Variants in DGKB observed in about 807,000 individuals in gnomAD.
The protein encoded by DGKB is 90 kDa diacylglycerol kinase.
A neutral mutation model predicts 114.3 loss-of-function variants in DGKB; 67 were observed. That is an observed-to-expected ratio of 0.59 (90% confidence interval 0.48 to 0.72). DGKB has a LOEUF of 0.72. Among genes scored for constraint, DGKB ranks in the 30% least tolerant of loss-of-function variants. The probability of loss-of-function intolerance (pLI) is 0.00; values close to 1 mark genes in which losing one functional copy is unlikely to be tolerated. For synonymous variants in DGKB, 398 were observed against 323.1 expected (o/e 1.23, Z -2.49); for missense variants, 907 against 975.2 (o/e 0.93, Z 0.93).
chr7:14,164,023 AC>A (rs199772652), intron 25 of DGKB, among the ~76,000 whole-genome samples: 3 of 151,514 alleles, frequency 2.0e-5, no homozygotes, highest in Non-Finnish European at 2.9e-5. Context: ...AAAAAAAAAA[AC>A]AAAATAAAAA....
At chr7:14,758,898 T>G (rs1402615742) in intron 2 of DGKB, among the ~76,000 whole-genome samples, 2 of 134,398 alleles carry the variant, frequency 1.5e-5, no homozygotes, top group African/African-American at 3.9e-5. Flanking sequence ...GATAGATAGA[T>G]AGATAGATAG....
chr7:14,251,305 G>T (rs889425772), intron 23 of DGKB, among the ~76,000 whole-genome samples: 1 of 151,368 alleles, frequency 6.6e-6, no homozygotes, highest in Non-Finnish European at 1.5e-5. Flanking sequence ...TTTCTTTTTG[G>T]TTATCTGGGG....
At chr7:14,278,273 T>C (rs1799328640) in intron 23 of DGKB, among the ~76,000 whole-genome samples, 1 of 152,152 alleles carries the variant, frequency 6.6e-6, no homozygotes, top group Admixed American at 6.5e-5. Flanking sequence ...AAAAATAGCA[T>C]AGCACTGGCA....
chr7:14,429,843 C>T (rs1255241562), intron 21 of DGKB, among the ~76,000 whole-genome samples: 1 of 152,052 alleles, frequency 6.6e-6, no homozygotes, highest in African/African-American at 2.4e-5. Context: ...ATTGCTTGAA[C>T]CAGGACCCGG....
rs145376707 is a variant in DGKB at position 14,799,267 on chromosome 7, G to C, written c.71-41536C>G. On this transcript the variant is annotated intron_variant, in intron 2 of 25. Transcript: ENST00000402815. ...ACCAGAAGCTGTTTGCATTTAGCTG[G>C]CTAGGCCAGAAATACATTCTCACTG... Among the ~76,000 whole-genome samples the C allele has an allele frequency of 3.3e-5, 5 of 152,224 alleles. No homozygotes were observed. In the East Asian group the frequency reaches 9.7e-4, roughly 29 times the overall value.
intron 13 of DGKB, among the ~76,000 whole-genome samples, chr7:14,635,828 A>G (rs371889119): frequency 5.3e-5 from 8 of 151,562 alleles, no homozygotes; most frequent in Non-Finnish European, 8.9e-5. Flanking sequence ...TTAATCTATA[A>G]TATTTCCTGT....
chr7:14,218,515 T>C (rs1028481028), intron 23 of DGKB, among the ~76,000 whole-genome samples: 1 of 152,098 alleles, frequency 6.6e-6, no homozygotes, highest in Admixed American at 6.6e-5. Flanking sequence ...CAACAAAAGC[T>C]CTTTTTGTGC....
At chr7:14,796,854 G>C (rs76226639) in intron 2 of DGKB, among the ~76,000 whole-genome samples, 1 of 151,956 alleles carries the variant, frequency 6.6e-6, no homozygotes, top group Admixed American at 6.6e-5. Context: ...CAAGAATTTT[G>C]ATAGGAAATC....
chr7:14,820,376 G>A (rs1040766130), intron 2 of DGKB, among the ~76,000 whole-genome samples: 109 of 152,094 alleles, frequency 7.2e-4, no homozygotes, highest in African/African-American at 2.6e-3. Context: ...GTGCCATAGT[G>A]TATTGTTTAA....
intron 23 of DGKB, among the ~76,000 whole-genome samples, chr7:14,260,651 T>G (rs1043947648): frequency 6.6e-6 from 1 of 152,190 alleles, no homozygotes; most frequent in African/African-American, 2.4e-5. Flanking sequence ...TCGGTATAAT[T>G]AGGGGTGAGA....
intron 13 of DGKB, among the ~76,000 whole-genome samples, chr7:14,660,977 G>A (rs1439440509): frequency 2.7e-5 from 4 of 148,924 alleles, no homozygotes; most frequent in Non-Finnish European, 4.5e-5. Flanking sequence ...TTAATAAATG[G>A]TGCTGGGAAA....
intron 1 of DGKB, among the ~76,000 whole-genome samples, chr7:14,929,430 C>G (rs1050423149): frequency 4.6e-5 from 7 of 151,710 alleles, no homozygotes; most frequent in Middle Eastern, 3.4e-3. Flanking sequence ...CCATTCTGAT[C>G]GGAGTAAGGT....
chr7:14,156,660 G>A (rs919282137), intron 25 of DGKB, among the ~76,000 whole-genome samples: 5 of 152,126 alleles, frequency 3.3e-5, no homozygotes, highest in African/African-American at 9.7e-5. Context: ...GCTGACCCTT[G>A]ATATAATTAA....
rs1586613390 is a variant in DGKB at position 14,802,461 on chromosome 7, T to A, written c.70+38733A>T. On this transcript the variant is annotated intron_variant, in intron 2 of 25. Transcript: ENST00000402815. ...ATGTTTTCTGGCTTCTCTCAGACTA[T>A]TTTTTGAAGATTTTGCAAGTATTAT... is the stretch of plus-strand genomic sequence containing the variant. Among the ~76,000 whole-genome samples the A allele has an allele frequency of 7.2e-5, 11 of 152,272 alleles. No individual in the cohort carries two copies. In the South Asian group the frequency reaches 2.3e-3, roughly 32 times the overall value.
chr7:14,768,879 C>G (rs904283596), intron 2 of DGKB, among the ~76,000 whole-genome samples: 2 of 151,816 alleles, frequency 1.3e-5, no homozygotes, highest in African/African-American at 4.8e-5. Flanking sequence ...AATCTATGTT[C>G]TTACATTGGA....
intron 1 of DGKB, among the ~76,000 whole-genome samples, chr7:14,965,555 T>C (rs1306245236): frequency 6.6e-6 from 1 of 152,110 alleles, no homozygotes; most frequent in Non-Finnish European, 1.5e-5. Flanking sequence ...AAAACACTTT[T>C]TTCTTATGGA....
At chr7:14,787,611 A>G (rs1419965927) in intron 2 of DGKB, among the ~76,000 whole-genome samples, 1 of 152,202 alleles carries the variant, frequency 6.6e-6, no homozygotes, top group Non-Finnish European at 1.5e-5. Flanking sequence ...TTAAAGGTGA[A>G]GTGTGGTCGG....
intron 23 of DGKB, among the ~76,000 whole-genome samples, chr7:14,285,193 A>T (rs945204087): frequency 1.3e-5 from 2 of 152,136 alleles, no homozygotes; most frequent in Non-Finnish European, 2.9e-5. Flanking sequence ...TGATTTGACC[A>T]TATAGGTATA....
chr7:14,612,603 T>C (rs1020718110), intron 16 of DGKB, among the ~76,000 whole-genome samples: 1 of 152,090 alleles, frequency 6.6e-6, no homozygotes, highest in Non-Finnish European at 1.5e-5. Flanking sequence ...CAAAGGAAAT[T>C]TGTTATACTG....
Sources: gnomAD v4.1 joint callset for allele counts (sites outside exome capture counted in the v4.1 genomes callset) on GRCh38, gnomAD v4.1.1 for gene constraint, MANE v1.5 for transcripts, NCBI Gene and HGNC (gene_info 2026-07-23, HGNC 2026-07-21) for gene names.